Variants in GPR137C observed in about 807,000 individuals in gnomAD.
The protein encoded by GPR137C is integral membrane protein GPR137C.
Under a neutral mutation model 43.4 loss-of-function variants are expected in GPR137C, and 27 were observed. The ratio of observed to expected loss-of-function variants is 0.62; its 90% CI spans 0.46 to 0.86. GPR137C has a LOEUF of 0.86. Among genes scored for constraint, GPR137C ranks in the 40% least tolerant of loss-of-function variants. The pLI is 0.00. For synonymous variants in GPR137C, 285 were observed against 226.9 expected (o/e 1.26, Z -2.30); for missense variants, 522 against 534.6 (o/e 0.98, Z 0.23).
At chr14:52,560,323 G>A (rs1206091163) in intron 1 of GPR137C, among the ~76,000 whole-genome samples, 1 of 152,154 alleles carries the variant, frequency 6.6e-6, no homozygotes, top group Non-Finnish European at 1.5e-5. Context: ...TGCTTTTAAG[G>A]TGTTATTTCT....
intron 3 of GPR137C, among the ~76,000 whole-genome samples, chr14:52,625,051 C>T (rs2039206288): frequency 2.0e-5 from 3 of 152,042 alleles, no homozygotes; most frequent in African/African-American, 7.2e-5. Context: ...ATTTTGTAAT[C>T]TAAGTAGACC....
Position 52,635,199 on chromosome 14 carries a change from C to T in GPR137C, c.*84C>T, listed in dbSNP as rs2139589122. The T allele has an allele frequency of 7.0e-6, 8 of 1,140,850 alleles. No homozygotes were observed. In the South Asian group the frequency reaches 1.5e-4, roughly 22 times the overall value. The allele number at this position is 1,140,850 out of a possible 1,614,324, so 70.7% of individuals were successfully genotyped here. On this transcript the variant is annotated 3_prime_UTR_variant, in exon 7 of 7. Coordinates refer to ENST00000321662, the MANE Select transcript of GPR137C (RefSeq NM_001099652.2). ...TTTAAATTCCATCTACATAAACATTCCATTATCTGTTGCAACTGAAAACAA... is the reference window on the plus strand; with the variant it reads ...TTTAAATTCCATCTACATAAACATTTCATTATCTGTTGCAACTGAAAACAA...
chr14:52,556,051 T>C (rs1413117465), intron 1 of GPR137C, among the ~76,000 whole-genome samples: 2 of 152,188 alleles, frequency 1.3e-5, no homozygotes, highest in Non-Finnish European at 2.9e-5. Context: ...AGCAAAGTGG[T>C]AGGGAAAGCC....
At chr14:52,576,175 C>T in intron 1 of GPR137C, among the ~76,000 whole-genome samples, 1 of 152,354 alleles carries the variant, frequency 6.6e-6, no homozygotes, top group African/African-American at 2.4e-5. Context: ...GACTATTCTA[C>T]ATGTGTACCC....
chr14:52,553,810 G>T (rs1787100039), intron 1 of GPR137C, among the ~76,000 whole-genome samples: 1 of 152,208 alleles, frequency 6.6e-6, no homozygotes, highest in Admixed American at 6.5e-5. Context: ...GCTAGGGGGT[G>T]AGTGAGTGAG....
intron 1 of GPR137C, among the ~76,000 whole-genome samples, chr14:52,593,577 G>T (rs571265609): frequency 1.3e-5 from 2 of 152,276 alleles, no homozygotes; most frequent in East Asian, 3.9e-4. Flanking sequence ...ATGTGTCCAG[G>T]AATTTATCCA....
chr14:52,611,407 T>C (rs2039037619), intron 3 of GPR137C: 1 of 164,744 alleles, frequency 6.1e-6, no homozygotes, highest in Non-Finnish European at 1.3e-5. Context: ...TATTAAATTC[T>C]TGTTAATTAC....
intron 1 of GPR137C, among the ~76,000 whole-genome samples, chr14:52,568,209 A>G (rs10138643): frequency 0.13 from 20,006 of 151,600 alleles, 1,397 homozygotes; most frequent in Non-Finnish European, 0.15. Context: ...GGGTCAGGGA[A>G]CTCCCTCCCC....
At chr14:52,627,674 T>C (rs1594809258) in intron 3 of GPR137C, among the ~76,000 whole-genome samples, 2 of 151,866 alleles carry the variant, frequency 1.3e-5, no homozygotes, top group Non-Finnish European at 2.9e-5. Context: ...TGAAACCCCA[T>C]CTCTACTAAA....
At chr14:52,634,815 A>G in intron 6 of GPR137C, 123 bp from the exon 7 acceptor site, 1 of 753,792 alleles carries the variant, frequency 1.3e-6, no homozygotes, top group South Asian at 1.9e-5. Context: ...GACAAAGAAC[A>G]TATTTCAATG....
intron 1 of GPR137C, among the ~76,000 whole-genome samples, chr14:52,580,274 A>G (rs2038623006): frequency 6.6e-6 from 1 of 152,228 alleles, no homozygotes; most frequent in Non-Finnish European, 1.5e-5. Flanking sequence ...AATTCATTTG[A>G]TTGTAAATTA....
At chr14:52,566,223 A>G (rs192053085) in intron 1 of GPR137C, among the ~76,000 whole-genome samples, 3 of 152,284 alleles carry the variant, frequency 2.0e-5, no homozygotes, top group African/African-American at 7.2e-5. Context: ...AATTACAGCT[A>G]CCATTTTCAT....
intron 1 of GPR137C, among the ~76,000 whole-genome samples, chr14:52,578,770 C>A (rs10133850): frequency 6.6e-6 from 1 of 151,916 alleles, no homozygotes; most frequent in Non-Finnish European, 1.5e-5. Context: ...GTGGCAAAAC[C>A]GTGTCTCTAC....
At chr14:52,557,370 T>G (rs1287759632) in intron 1 of GPR137C, among the ~76,000 whole-genome samples, 1 of 152,224 alleles carries the variant, frequency 6.6e-6, no homozygotes, top group Non-Finnish European at 1.5e-5. Context: ...TATAGAGTTT[T>G]GTTTAATGAA....
intron 1 of GPR137C, among the ~76,000 whole-genome samples, chr14:52,571,723 T>C (rs1457638425): frequency 2.0e-5 from 3 of 151,936 alleles, no homozygotes; most frequent in Non-Finnish European, 4.4e-5. Flanking sequence ...ATTCAAAAGC[T>C]AGCAGAAGAC....
chr14:52,581,719 A>G (rs149621975), intron 1 of GPR137C, among the ~76,000 whole-genome samples: 9 of 152,320 alleles, frequency 5.9e-5, no homozygotes, highest in Admixed American at 1.3e-4. Context: ...TTCTGTGAAA[A>G]TCATCTACTT....
intron 4 of GPR137C, 85 bp downstream of exon 4, chr14:52,632,394 C>G (rs1268524254): frequency 3.2e-6 from 3 of 947,846 alleles, no homozygotes; most frequent in Non-Finnish European, 4.8e-6. Context: ...GTTTGACTTA[C>G]AAACACATTT....
chr14:52,625,558 TTTTTTTTTTTTTTTG>T (rs1310358492), intron 3 of GPR137C, among the ~76,000 whole-genome samples: 1 of 64,406 alleles, frequency 1.6e-5, no homozygotes, highest in African/African-American at 6.1e-5. Flanking sequence ...TTTTTTTTTT[TTTTTTTTTTTTTTTG>T]AGACGGAGTC....
At chr14:52,591,935 T>G (rs148315320) in intron 1 of GPR137C, among the ~76,000 whole-genome samples, 8 of 152,366 alleles carry the variant, frequency 5.3e-5, no homozygotes, top group African/African-American at 1.9e-4. Context: ...CTAGGTTTTC[T>G]TCTAGGGTTT....
Sources: gnomAD v4.1 joint callset for allele counts (sites outside exome capture counted in the v4.1 genomes callset) on GRCh38, gnomAD v4.1.1 for gene constraint, MANE v1.5 for transcripts, NCBI Gene and HGNC (gene_info 2026-07-23, HGNC 2026-07-21) for gene names.